Variants in SPATA6 observed in about 807,000 individuals in gnomAD.
SPATA6 encodes spermatogenesis associated 6, also known as spermatogenesis-associated protein 6.
Under a neutral mutation model 65.3 loss-of-function variants are expected in SPATA6, and 56 were observed. That is an observed-to-expected ratio of 0.86 (90% confidence interval 0.69 to 1.07). The LOEUF (loss-of-function observed/expected upper bound fraction) is 1.07, where lower values mean the gene tolerates loss of function less well. Ranked by LOEUF, SPATA6 falls within the 50% of genes least tolerant of loss-of-function variation. The pLI is 0.00. For missense variants in SPATA6, 590 were observed against 594.8 expected (o/e 0.99, Z 0.08); for synonymous variants, 199 against 213.2 (o/e 0.93, Z 0.58).
chr1:48,429,091 CT>C (rs1406379743), intron 3 of SPATA6, among the ~76,000 whole-genome samples: 3 of 151,238 alleles, frequency 2.0e-5, no homozygotes, highest in African/African-American at 7.3e-5. Flanking sequence ...CAGATAAGTA[CT>C]TTTTTTAGGA....
chr1:48,418,729 A>G (rs1308023936), intron 3 of SPATA6, among the ~76,000 whole-genome samples: 1 of 149,810 alleles, frequency 6.7e-6, no homozygotes, highest in Non-Finnish European at 1.5e-5. Context: ...AAAAAGCAAG[A>G]AAGCAAGAGA....
At chr1:48,281,803 A>C in the SPATA6 span, among the ~76,000 whole-genome samples, 1 of 152,262 alleles carries the variant, frequency 6.6e-6, no homozygotes, top group East Asian at 1.9e-4. Flanking sequence ...CAAGCTACCA[A>C]TGACTTTCTT....
chr1:48,292,240 T>A (rs1372502375), downstream of SPATA6, among the ~76,000 whole-genome samples: 2 of 152,236 alleles, frequency 1.3e-5, no homozygotes, highest in African/African-American at 2.4e-5. Context: ...AAGTATGCTG[T>A]GACACTGAGT....
chr1:48,380,398 A>G (rs560050269), intron 9 of SPATA6, among the ~76,000 whole-genome samples: 1 of 152,344 alleles, frequency 6.6e-6, no homozygotes, highest in East Asian at 1.9e-4. Context: ...AAGCCCTGAT[A>G]TTAAGGAATC....
chr1:48,295,971 ATAAC>A lies in SPATA6; in HGVS notation c.*2738_*2741del, dbSNP rs1644806592. Reference sequence around the variant, plus strand: ...GCATAAATGACTTAAATAAGGTTATATAACTAGCTAGTAGAACCAAGGAAGAGTC... The same window carrying A: ...GCATAAATGACTTAAATAAGGTTATATAGCTAGTAGAACCAAGGAAGAGTC... On this transcript the variant is annotated 3_prime_UTR_variant, in exon 13 of 13. Transcript: ENST00000371847. 6.6e-6 allele frequency: 1 copy of A among 152,100 alleles called. No individual in the cohort carries two copies. Among genetic ancestry groups the A allele is most frequent in the Admixed American group, 6.5e-5 (1 of 15,268 alleles). 9.4% of individuals were successfully genotyped at this position (152,100 alleles called of 1,614,324 possible).
chr1:48,328,942 A>G (rs1645841005), intron 11 of SPATA6, among the ~76,000 whole-genome samples: 1 of 152,170 alleles, frequency 6.6e-6, no homozygotes, highest in Non-Finnish European at 1.5e-5. Flanking sequence ...AATAAACATG[A>G]AATACCTGTA....
chr1:48,367,357 C>T (rs1240656008), intron 9 of SPATA6, among the ~76,000 whole-genome samples: 1 of 152,082 alleles, frequency 6.6e-6, no homozygotes, highest in East Asian at 1.9e-4. Context: ...TCCTTGTTAA[C>T]TTTCTGTCTC....
chr1:48,428,870 CGTGTGTGTGTGTGTGTGTGTGTTT>C (rs1654129868), intron 3 of SPATA6, among the ~76,000 whole-genome samples: 1 of 136,672 alleles, frequency 7.3e-6, no homozygotes, highest in African/African-American at 2.8e-5. Context: ...TATATATACA[CGTGTGTGTGTGTGTGTGTGTGTTT>C]GTGTGTGTGT....
chr1:48,366,005 C>G lies in SPATA6; in HGVS notation c.910-6235G>C, dbSNP rs190641685. Among the ~76,000 whole-genome samples, 261 of 152,138 alleles carry G rather than the reference C, an allele frequency of 1.7e-3. 1 individual carries two copies. Among genetic ancestry groups the G allele is most frequent in the African/African-American group, 5.9e-3 (244 of 41,500 alleles). ...TCTATTGAGACTTTTTAGCATGAAG[C>G]GTTGTTGAATTTTATCAAAGTCTTT... On this transcript the variant is annotated intron_variant, in intron 9 of 12. Coordinates refer to ENST00000371847, the MANE Select transcript of SPATA6 (RefSeq NM_019073.4).
intron 3 of SPATA6, chr1:48,437,076 A>T: frequency 6.3e-7 from 1 of 1,599,440 alleles, no homozygotes; most frequent in Non-Finnish European, 8.6e-7. Context: ...TTTTCTTCAA[A>T]CAGATGAAAG....
At chr1:48,387,670 C>T (rs988862931) in intron 8 of SPATA6, among the ~76,000 whole-genome samples, 3 of 152,184 alleles carry the variant, frequency 2.0e-5, no homozygotes, top group Non-Finnish European at 4.4e-5. Flanking sequence ...GCCCCTCCTC[C>T]TCCCATGCCA....
At chr1:48,391,198 C>T (rs1308884246) in intron 8 of SPATA6, among the ~76,000 whole-genome samples, 15 of 89,974 alleles carry the variant, frequency 1.7e-4, no homozygotes, top group Non-Finnish European at 3.1e-4. Context: ...AACCCAATCT[C>T]TACAGAAAAA....
intron 1 of SPATA6, among the ~76,000 whole-genome samples, chr1:48,461,911 A>G (rs887815291): frequency 1.3e-5 from 2 of 152,230 alleles, no homozygotes; most frequent in Non-Finnish European, 2.9e-5. Context: ...TTATTGCGGC[A>G]CTATTCACAA....
intron 3 of SPATA6, among the ~76,000 whole-genome samples, chr1:48,431,876 C>G (rs1398152096): frequency 1.3e-5 from 2 of 152,090 alleles, no homozygotes; most frequent in Admixed American, 6.5e-5. Flanking sequence ...TTTGGGAGGC[C>G]AAGGTGGGTG....
intron 9 of SPATA6, among the ~76,000 whole-genome samples, chr1:48,371,792 G>A (rs905942820): frequency 2.2e-4 from 34 of 152,134 alleles, no homozygotes; most frequent in African/African-American, 8.0e-4. Flanking sequence ...CCATATAGCT[G>A]GGGAGGTTTC....
chr1:48,392,998 T>C (rs1385552872), intron 8 of SPATA6, among the ~76,000 whole-genome samples: 4 of 151,876 alleles, frequency 2.6e-5, no homozygotes, highest in African/African-American at 9.7e-5. Flanking sequence ...AGTTATTAAA[T>C]GTACAAAGAA....
chr1:48,289,762 T>G, the SPATA6 span, among the ~76,000 whole-genome samples: 1 of 152,064 alleles, frequency 6.6e-6, no homozygotes, highest in Non-Finnish European at 1.5e-5. Flanking sequence ...GATTGAAGAA[T>G]CAAATGAATG....
the SPATA6 span, among the ~76,000 whole-genome samples, chr1:48,288,500 A>G: frequency 6.6e-6 from 1 of 152,186 alleles, no homozygotes; most frequent in African/African-American, 2.4e-5. Context: ...CACTGGGTGC[A>G]GGACAGTGGG....
rs925410717 is a variant in SPATA6, at chr1:48,380,002, T to C, written c.909+5307A>G. On this transcript the variant is annotated intron_variant, in intron 9 of 12. Coordinates refer to ENST00000371847, the MANE Select transcript of SPATA6 (RefSeq NM_019073.4). ...CTTAATTTAATCATTCCACAACATA[T>C]ACATATATGAAAACATCATGTTGTA... 3.9e-5 allele frequency among the ~76,000 whole-genome samples: 6 copies of C among 152,238 alleles called. No homozygotes were observed. In the East Asian group the frequency reaches 7.7e-4, roughly 20 times the overall value.
Sources: allele counts gnomAD v4.1 joint callset (sites outside exome capture counted in the v4.1 genomes callset), GRCh38; gene constraint gnomAD v4.1.1; transcripts MANE v1.5; gene names NCBI Gene and HGNC (gene_info 2026-07-23, HGNC 2026-07-21).